RFWD3: variants seen among roughly 807,000 people sequenced by gnomAD.
RFWD3 encodes ring finger and WD repeat domain 3.
In RFWD3, 65 loss-of-function variants were observed where a neutral mutation model predicts 87.7. The observed-to-expected ratio is 0.74, with a 90% CI of 0.61 to 0.91. The LOEUF (loss-of-function observed/expected upper bound fraction) is 0.91, where lower values mean the gene tolerates loss of function less well. RFWD3 is among the 40% of genes least tolerant of loss of function. The probability of loss-of-function intolerance (pLI) is 0.00; values close to 1 mark genes in which losing one functional copy is unlikely to be tolerated. For synonymous variants in RFWD3, 433 were observed against 352.8 expected (o/e 1.23, Z -2.55); for missense variants, 1,078 against 938.5 (o/e 1.15, Z -1.94).
chr16:74,664,000 G>A (rs1006141548), intron 1 of RFWD3, among the ~76,000 whole-genome samples: 2 of 152,168 alleles, frequency 1.3e-5, no homozygotes, highest in Non-Finnish European at 2.9e-5. Context: ...CTCCCCCTAT[G>A]CACGAGAAAA....
Position 74,630,763 on chromosome 16 carries a change from G to A in RFWD3, c.1754+18C>T. The A allele has an allele frequency of 6.3e-7, 1 of 1,576,376 alleles. No homozygotes were observed. ...GAGAAAGCTGCTACCACCAGGAAAAGAGTGAGTGGCTCCCTACCTGGCTTT... is the reference window on the plus strand; with the variant it reads ...GAGAAAGCTGCTACCACCAGGAAAAAAGTGAGTGGCTCCCTACCTGGCTTT... On this transcript the variant is annotated intron_variant, in intron 10 of 12. Coordinates refer to ENST00000361070, the MANE Select transcript of RFWD3 (RefSeq NM_018124.4).
chr16:74,634,490 T>A (rs1023244541), intron 8 of RFWD3, among the ~76,000 whole-genome samples: 1 of 151,982 alleles, frequency 6.6e-6, no homozygotes, highest in Non-Finnish European at 1.5e-5. Flanking sequence ...GCTCAAGCGA[T>A]CCTCCCAACT....
At chr16:74,630,554 A>C (rs542337447) in intron 10 of RFWD3, among the ~76,000 whole-genome samples, 1 of 152,220 alleles carries the variant, frequency 6.6e-6, no homozygotes, top group Non-Finnish European at 1.5e-5. Flanking sequence ...GATGATTACT[A>C]TGAACCTGGC....
chr16:74,646,857 G>C (rs1960187162), intron 4 of RFWD3, among the ~76,000 whole-genome samples: 1 of 151,564 alleles, frequency 6.6e-6, no homozygotes, highest in Admixed American at 6.6e-5. Flanking sequence ...CGGATCACCA[G>C]GTCAGGAGAT....
chr16:74,645,436 G>C (rs770812326), intron 4 of RFWD3, among the ~76,000 whole-genome samples: 1 of 152,216 alleles, frequency 6.6e-6, no homozygotes, highest in Admixed American at 6.5e-5. Context: ...AATGATCCCA[G>C]AGGTACTTAA....
chr16:74,638,127 A>T (rs1959309173), intron 6 of RFWD3, among the ~76,000 whole-genome samples, 157 bp from the exon 7 acceptor site: 1 of 152,196 alleles, frequency 6.6e-6, no homozygotes, highest in African/African-American at 2.4e-5. Context: ...TCTCTCCAGA[A>T]ACAGGTTTTA....
rs778265382 is a variant in RFWD3 at position 74,630,956 on chromosome 16, G to A, written c.1579C>T (p.Leu527=). The change falls in exon 10 of 13, where the codon CTG becomes TTG. Residue 527 remains leucine (L), a splice_region_variant and synonymous_variant. Coordinates refer to ENST00000361070, the MANE Select transcript of RFWD3 (RefSeq NM_018124.4). ...GTCTGGACCACGGTATTTGTCTCCAGGCTGTGGAGTTACAAAAGACTTTTA... is the reference window on the plus strand; with the variant it reads ...GTCTGGACCACGGTATTTGTCTCCAAGCTGTGGAGTTACAAAAGACTTTTA... The part of the protein sequence containing the change: ...SLDNTIKLTS[L]ETNTVVQTYN... 2 of 1,598,286 alleles carry A rather than the reference G, an allele frequency of 1.3e-6. No homozygotes were observed. Among genetic ancestry groups the A allele is most frequent in the Non-Finnish European group, 1.7e-6 (2 of 1,175,938 alleles).
intron 1 of RFWD3, among the ~76,000 whole-genome samples, chr16:74,665,020 G>A (rs996932405): frequency 6.6e-6 from 1 of 152,188 alleles, no homozygotes; most frequent in Non-Finnish European, 1.5e-5. Flanking sequence ...TTTTATGTGT[G>A]CTGTGAGCGG....
chr16:74,639,036 CTTTTT>C (rs564298799), intron 6 of RFWD3, among the ~76,000 whole-genome samples: 27 of 132,074 alleles, frequency 2.0e-4, no homozygotes, highest in East Asian at 2.2e-4. Flanking sequence ...TGAGCTAAGA[CTTTTT>C]TTTTTTTTTT....
rs572754208 is a variant in RFWD3, at chr16:74,662,376, G to A, written c.-2-925C>T. Among the ~76,000 whole-genome samples, 4 of 152,200 alleles carry A rather than the reference G, an allele frequency of 2.6e-5. No individual in the cohort carries two copies. The East Asian group carries it at 5.8e-4, about 22-fold the overall frequency. ...TGAGGAAATGGGGGTTCAACTAATAGTTATTAAGCACCTGTTATGCAGACA... is the reference window on the plus strand; with the variant it reads ...TGAGGAAATGGGGGTTCAACTAATAATTATTAAGCACCTGTTATGCAGACA... On this transcript the variant is annotated intron_variant, in intron 1 of 12. Coordinates refer to ENST00000361070, the MANE Select transcript of RFWD3 (RefSeq NM_018124.4).
chr16:74,664,471 C>T (rs1258068453), intron 1 of RFWD3: 3 of 152,150 alleles, frequency 2.0e-5, no homozygotes, highest in African/African-American at 7.2e-5. Context: ...TCAAATTCGG[C>T]CAGGAGCTGT....
chr16:74,632,377 G>A, intron 9 of RFWD3, 146 bp downstream of exon 9: 1 of 867,718 alleles, frequency 1.2e-6, no homozygotes, highest in South Asian at 1.7e-5. Context: ...GGGTGACAGA[G>A]CGAGACTCCA....
At chr16:74,647,474 G>C (rs530531070) in intron 4 of RFWD3, among the ~76,000 whole-genome samples, 85 of 152,242 alleles carry the variant, frequency 5.6e-4, no homozygotes, top group African/African-American at 1.9e-3. Flanking sequence ...TTTTAGTAGA[G>C]ATGGGGTTTC....
At chr16:74,664,769 AT>A (rs1397735174) in intron 1 of RFWD3, 1 of 152,128 alleles carries the variant, frequency 6.6e-6, no homozygotes, top group Non-Finnish European at 1.5e-5. Context: ...AAAGAAAGAA[AT>A]AAAATAAGTT....
Position 74,622,763 on chromosome 16 carries a change from G to A in RFWD3, c.*1165C>T, listed in dbSNP as rs1158738039. On this transcript the variant is annotated 3_prime_UTR_variant, in exon 13 of 13. Coordinates refer to ENST00000361070, the MANE Select transcript of RFWD3 (RefSeq NM_018124.4). ...TGGAAGTGGGTTGGCAAAGTAGTCT[G>A]AGGCAAGGCAAAGAAATACAAACTG... 1 of 152,204 alleles carries A rather than the reference G, an allele frequency of 6.6e-6. No homozygotes were observed. The highest frequency in any genetic ancestry group is 1.5e-5 in the Non-Finnish European group (1 of 68,036). The allele number at this position is 152,204 out of a possible 1,614,324, so 9.4% of individuals were successfully genotyped here.
At chr16:74,656,432 C>T (rs1960994960) in intron 2 of RFWD3, among the ~76,000 whole-genome samples, 1 of 151,304 alleles carries the variant, frequency 6.6e-6, no homozygotes, top group East Asian at 1.9e-4. Context: ...CCAGTGATTC[C>T]TCTAATGGAT....
intron 1 of RFWD3, among the ~76,000 whole-genome samples, chr16:74,665,834 C>G (rs1961844040): frequency 6.6e-6 from 1 of 151,814 alleles, no homozygotes. Context: ...GCAACCTCGG[C>G]CTCCCGGGTT....
rs1959198856 is a variant in RFWD3, at chr16:74,636,444, G to T, written c.1328C>A (p.Thr443Lys). ...KHKYHFQKTF[T>K]VSQAGNCRIM... ...CCGGCAGTTTCCTGCCTGAGATACT[G>T]TGAAGGTCTTTTGGAAGTGGTACTT... is the stretch of plus-strand genomic sequence containing the variant. Residue 443 changes from threonine to lysine, a missense_variant, in exon 8 of 13, where the codon ACA becomes AAA. Transcript: ENST00000361070. 6.2e-7 allele frequency: 1 copy of T among 1,614,154 alleles called. No individual in the cohort carries two copies. The highest frequency in any genetic ancestry group is 8.5e-7 in the Non-Finnish European group (1 of 1,180,028).
At position 74,637,857 on chromosome 16, in the gene RFWD3, T is replaced by C. The variant is rs764171193; in HGVS notation, c.1193A>G (p.Gln398Arg). ...DKCTRLQRRV[Q>R]DLQKLTSHQS... is the part of the protein sequence containing the mutation. ...TTGGATTAGAAAGGACAAACGTACC[T>C]GAACACGCCTTTGAAGCCTAGTGCA... Residue 398 changes from glutamine (Q) to arginine (R), a missense_variant and splice_region_variant, in exon 7 of 13, where the codon CAG becomes CGG. Coordinates refer to ENST00000361070, the MANE Select transcript of RFWD3 (RefSeq NM_018124.4). The C allele has an allele frequency of 6.2e-7, 1 of 1,610,080 alleles. No homozygotes were observed. The highest frequency in any genetic ancestry group is 8.5e-7 in the Non-Finnish European group (1 of 1,177,520).
Sources: allele counts gnomAD v4.1 joint callset (sites outside exome capture counted in the v4.1 genomes callset), GRCh38; gene constraint gnomAD v4.1.1; transcripts MANE v1.5; gene names NCBI Gene and HGNC (gene_info 2026-07-23, HGNC 2026-07-21).